Variants in LTO1 observed in about 807,000 individuals in gnomAD.
LTO1 encodes the protein protein LTO1 homolog.
A neutral mutation model predicts 19.8 loss-of-function variants in LTO1; 18 were observed. The ratio of observed to expected loss-of-function variants is 0.91; its 90% CI spans 0.63 to 1.35. The LOEUF (loss-of-function observed/expected upper bound fraction) is 1.35, where lower values mean the gene tolerates loss of function less well. Among genes scored for constraint, LTO1 ranks in the 40% most tolerant of loss-of-function variants. LTO1 has a pLI of 0.00. For missense variants in LTO1, 175 were observed against 167.9 expected, an observed-to-expected ratio of 1.04 and a Z score of -0.23; for synonymous variants, 59 against 59.6, an observed-to-expected ratio of 0.99 and a Z score of 0.05.
At chr11:69,674,202 G>A (rs931134724) in intron 1 of LTO1, among the ~76,000 whole-genome samples, 2 of 152,192 alleles carry the variant, frequency 1.3e-5, no homozygotes, top group South Asian at 2.1e-4. Flanking sequence ...TGCAGCCAGA[G>A]TTAGGGGGCC....
chr11:69,675,303 G>T lies in LTO1; in HGVS notation c.-64C>A. 7.9e-7 allele frequency: 1 copy of T among 1,262,438 alleles called. No homozygotes were observed. Among genetic ancestry groups the T allele is most frequent in the Non-Finnish European group, 1.1e-6 (1 of 933,582 alleles). The allele number at this position is 1,262,438 out of a possible 1,614,324, so 78.2% of individuals were successfully genotyped here. A position where few individuals can be genotyped will look rare whatever the true frequency, so the allele number is the denominator to read the frequency against. On this transcript the variant is annotated 5_prime_UTR_variant, in exon 1 of 5. Transcript: ENST00000279147. ...AGCCCCGCGGTGCCGTAGCAGACCCGGCAGCTTCAGGCACAAATGCTCCGC... is the reference window on the plus strand; with the variant it reads ...AGCCCCGCGGTGCCGTAGCAGACCCTGCAGCTTCAGGCACAAATGCTCCGC...
At chr11:69,674,431 A>T (rs117949036) in intron 1 of LTO1, 20,058 of 261,064 alleles carry the variant, frequency 0.077, 1,247 homozygotes, top group Non-Finnish European at 0.1. Flanking sequence ...ACATGCAAGG[A>T]GTGGGCTGCA....
chr11:69,671,448 T>G lies in LTO1; in HGVS notation c.227+301A>C. On this transcript the variant is annotated intron_variant, in intron 3 of 4. Transcript: ENST00000279147. ...GAAAATACAATCAATGTCAACATTA[T>G]TTTATTGGTAGGGTATCTAAAAGCC... 6 of 278,808 alleles carry G rather than the reference T, an allele frequency of 2.2e-5. No individual in the cohort carries two copies. In the South Asian group the frequency reaches 4.5e-4, roughly 21 times the overall value. 17.3% of individuals were successfully genotyped at this position (278,808 alleles called of 1,614,324 possible).
chr11:69,673,001 C>T, intron 2 of LTO1: 1 of 591,774 alleles, frequency 1.7e-6, no homozygotes, highest in South Asian at 1.6e-5. Context: ...AGGGTTTCAC[C>T]ATGTTGGTCA....
rs186210200 is a variant in LTO1, at chr11:69,667,175, C to G, written c.*344G>C. 1 of 262,880 alleles carries G rather than the reference C, an allele frequency of 3.8e-6. No homozygotes were observed. The highest frequency in any genetic ancestry group is 7.3e-5 in the East Asian group (1 of 13,690). The allele number at this position is 262,880 out of a possible 1,614,324, so 16.3% of individuals were successfully genotyped here. ...CAAATAATAATAATAATAAAAATAA[C>G]TGCCTTCAGTCCAGGCCTGGTGACT... On this transcript the variant is annotated 3_prime_UTR_variant, in exon 5 of 5. Transcript: ENST00000279147.
Position 69,675,341 on chromosome 11 carries a change from G to T in LTO1, c.-102C>A. 1.0e-6 allele frequency: 1 copy of T among 975,830 alleles called. No individual in the cohort carries two copies. The highest frequency in any genetic ancestry group is 1.9e-5 in the South Asian group (1 of 52,416). 60.4% of individuals were successfully genotyped at this position (975,830 alleles called of 1,614,324 possible). A position where few individuals can be genotyped will look rare whatever the true frequency, so the allele number is the denominator to read the frequency against. ...ACAAATGCTCCGCTTGGGAGGAGACGAGACCCACTTCCGGAAGCGGCGGCG... is the reference window on the plus strand; with the variant it reads ...ACAAATGCTCCGCTTGGGAGGAGACTAGACCCACTTCCGGAAGCGGCGGCG... On this transcript the variant is annotated 5_prime_UTR_variant, in exon 1 of 5. Transcript: ENST00000279147.
intron 3 of LTO1, among the ~76,000 whole-genome samples, chr11:69,670,464 G>A (rs1006451002): frequency 7.9e-5 from 12 of 152,178 alleles, no homozygotes; most frequent in Admixed American, 3.9e-4. Flanking sequence ...CCCAGCTGCC[G>A]GCCGCTGCCT....
In LTO1 at chr11:69,675,034, C is replaced by T. The variant is rs1343368677; in HGVS notation, c.50+156G>A. The stretch of plus-strand genomic sequence containing the variant: ...GGAGAAGAGGACCAGAGCATCAGGC[C>T]CACACTTGTCCCTGCGTCCACGGCC... On this transcript the variant is annotated intron_variant, in intron 1 of 4. Transcript: ENST00000279147. The T allele has an allele frequency of 8.4e-6, 6 of 712,394 alleles. No individual in the cohort carries two copies. The Admixed American group carries it at 1.3e-4, about 16-fold the overall frequency. The allele number at this position is 712,394 out of a possible 1,614,324, so 44.1% of individuals were successfully genotyped here.
At position 69,671,567 on chromosome 11, in the gene LTO1, C is replaced by T. The variant is rs1856109705; in HGVS notation, c.227+182G>A. 1.8e-5 allele frequency: 10 copies of T among 570,486 alleles called. No homozygotes were observed. In the South Asian group the frequency reaches 2.1e-4, roughly 12 times the overall value. The allele number at this position is 570,486 out of a possible 1,614,324, so 35.3% of individuals were successfully genotyped here. On this transcript the variant is annotated intron_variant, in intron 3 of 4. Coordinates refer to ENST00000279147, the MANE Select transcript of LTO1 (RefSeq NM_153451.3). ...TGTTCACCAAACACCTAAAATGTGC[C>T]TGGCACTTTCTATTTAGTATTTCCG...
intron 3 of LTO1, 32 bp downstream of exon 3, chr11:69,671,717 A>G (rs760118343): frequency 5.5e-6 from 7 of 1,271,910 alleles, no homozygotes; most frequent in African/African-American, 1.5e-5. Flanking sequence ...CCTGGTTCCT[A>G]CGCTGAGAAA....
chr11:69,674,900 C>T (rs1395022156), intron 1 of LTO1: 4 of 665,372 alleles, frequency 6.0e-6, no homozygotes, highest in Non-Finnish European at 1.1e-5. Flanking sequence ...GAGGACGAGG[C>T]GGCCTCGGAG....
At chr11:69,670,143 T>C (rs1856088693) in intron 3 of LTO1, among the ~76,000 whole-genome samples, 1 of 152,204 alleles carries the variant, frequency 6.6e-6, no homozygotes, top group African/African-American at 2.4e-5. Context: ...GAGGGGGGTC[T>C]GGCAGGGCTT....
intron 3 of LTO1, among the ~76,000 whole-genome samples, chr11:69,670,350 T>TC (rs566898260): frequency 1.5e-3 from 234 of 152,298 alleles, no homozygotes; most frequent in African/African-American, 5.4e-3. Context: ...GGCGGAGAAC[T>TC]CCAAGAACAC....
chr11:69,669,538 C>A (rs967323326), intron 3 of LTO1, among the ~76,000 whole-genome samples: 6 of 152,154 alleles, frequency 3.9e-5, no homozygotes, highest in African/African-American at 1.2e-4. Context: ...AAGGGAGATG[C>A]CAAAACGTGG....
intron 1 of LTO1, among the ~76,000 whole-genome samples, chr11:69,673,821 G>T (rs766511170): frequency 7.6e-4 from 114 of 150,216 alleles, no homozygotes; most frequent in Admixed American, 2.1e-3. Flanking sequence ...TCCAAGTGTT[G>T]GGATTACAAG....
Position 69,667,340 on chromosome 11 carries a change from C to T in LTO1, c.*179G>A. The T allele has an allele frequency of 1.7e-6, 1 of 604,238 alleles. No individual in the cohort carries two copies. Among genetic ancestry groups the T allele is most frequent in the Non-Finnish European group, 3.0e-6 (1 of 338,470 alleles). The allele number at this position is 604,238 out of a possible 1,614,324, so 37.4% of individuals were successfully genotyped here. A position where few individuals can be genotyped will look rare whatever the true frequency, so the allele number is the denominator to read the frequency against. On this transcript the variant is annotated 3_prime_UTR_variant, in exon 5 of 5. Transcript: ENST00000279147. ...ATGTGTGGCGAGGCCCCAAGACGGG[C>T]ACCAAGGTGACACAGGCAGAAAACC...
intron 3 of LTO1, 47 bp from the exon 4 acceptor site, chr11:69,668,059 G>T (rs749739344): frequency 1.1e-6 from 1 of 930,678 alleles, no homozygotes; most frequent in Non-Finnish European, 1.8e-6. Flanking sequence ...CACACAACAG[G>T]CTCAACTTAC....
intron 3 of LTO1, chr11:69,668,538 G>A (rs569809511): frequency 2.1e-4 from 32 of 154,096 alleles, no homozygotes; most frequent in Non-Finnish European, 4.2e-4. Flanking sequence ...CTGCAGAAAG[G>A]CTGTGCACTC....
Position 69,667,454 on chromosome 11 carries a change from G to GC in LTO1, c.*64dup. Reference sequence around the variant, plus strand: ...TCCCAGCACCGTCTGGCCCTTCACCGCATTTCTAAACACGTCACACACACA... The same window carrying GC: ...TCCCAGCACCGTCTGGCCCTTCACCGCCATTTCTAAACACGTCACACACACA... On this transcript the variant is annotated 3_prime_UTR_variant, in exon 5 of 5. Transcript: ENST00000279147. The GC allele has an allele frequency of 9.2e-7, 1 of 1,088,934 alleles. No individual in the cohort carries two copies. 67.5% of individuals were successfully genotyped at this position (1,088,934 alleles called of 1,614,324 possible). A position where few individuals can be genotyped will look rare whatever the true frequency, so the allele number is the denominator to read the frequency against.
Sources: allele counts gnomAD v4.1 joint callset (sites outside exome capture counted in the v4.1 genomes callset), GRCh38; gene constraint gnomAD v4.1.1; transcripts MANE v1.5; gene names NCBI Gene and HGNC (gene_info 2026-07-23, HGNC 2026-07-21).